ZNF804A: variants seen among roughly 807,000 people sequenced by gnomAD.
The protein encoded by ZNF804A is zinc finger protein 804A.
ZNF804A carries 2 observed loss-of-function variants against 16.5 expected under a neutral mutation model. That is an observed-to-expected ratio of 0.12 (90% CI 0.05 to 0.38). ZNF804A has a LOEUF of 0.38. Among genes scored for constraint, ZNF804A ranks in the 10% least tolerant of loss-of-function variants. ZNF804A has a pLI of 0.99. For missense variants in ZNF804A, 1,473 were observed against 1,390.7 expected (o/e 1.06, Z -0.94); for synonymous variants, 534 against 489.6 (o/e 1.09, Z -1.20).
chr2:184,734,687 G>A (rs781278466), intron 1 of ZNF804A, among the ~76,000 whole-genome samples: 2 of 152,238 alleles, frequency 1.3e-5, no homozygotes, highest in Non-Finnish European at 1.5e-5. Context: ...TTATTTAGTT[G>A]ATTGATGGTA....
chr2:184,734,925 A>G (rs1452237873), intron 1 of ZNF804A, among the ~76,000 whole-genome samples: 1 of 152,130 alleles, frequency 6.6e-6, no homozygotes, highest in Admixed American at 6.6e-5. Flanking sequence ...TGTCTCCCTT[A>G]TCTCCAATAA....
intron 1 of ZNF804A, among the ~76,000 whole-genome samples, chr2:184,710,342 A>G (rs1364910313): frequency 6.6e-6 from 1 of 151,662 alleles, no homozygotes; most frequent in Non-Finnish European, 1.5e-5. Context: ...CCAAGAAACC[A>G]TTCATTTACT....
chr2:184,678,353 C>T (rs1294908246), intron 1 of ZNF804A, among the ~76,000 whole-genome samples: 2 of 151,904 alleles, frequency 1.3e-5, no homozygotes, highest in South Asian at 2.1e-4. Flanking sequence ...TATTCAAAAC[C>T]GAATTAAGTT....
chr2:184,659,054 CAAAT>C (rs1332375317), intron 1 of ZNF804A, among the ~76,000 whole-genome samples: 16 of 152,132 alleles, frequency 1.1e-4, no homozygotes, highest in African/African-American at 3.9e-4. Context: ...TGATGCCAAA[CAAAT>C]AAGAACCAAT....
At chr2:184,657,691 T>C (rs991835453) in intron 1 of ZNF804A, among the ~76,000 whole-genome samples, 1 of 152,252 alleles carries the variant, frequency 6.6e-6, no homozygotes, top group African/African-American at 2.4e-5. Context: ...AGGAAAATTC[T>C]TAATTATGAT....
chr2:184,911,342 T>C (rs942265907), intron 2 of ZNF804A, among the ~76,000 whole-genome samples: 10 of 152,100 alleles, frequency 6.6e-5, no homozygotes, highest in African/African-American at 2.2e-4. Context: ...TTTGTTTTTG[T>C]ACCAGTACCA....
At position 184,937,939 on chromosome 2, in the gene ZNF804A, T is replaced by G. The variant is rs766802402; in HGVS notation, c.2543T>G (p.Leu848Ter). 1.2e-6 allele frequency: 2 copies of G among 1,613,776 alleles called. No individual in the cohort carries two copies. Among genetic ancestry groups the G allele is most frequent in the Admixed American group, 3.3e-5 (2 of 59,912 alleles). The change falls in exon 4 of 4, where the codon TTA becomes TGA. Residue 848 changes from leucine to a stop codon, truncating the protein, a stop_gained. Transcript: ENST00000302277. LOFTEE classifies it low-confidence loss of function (END_TRUNC). The part of the protein sequence containing the change: ...DNSSLNPLDR[L>*]ISEDKKEKMK... ...TCTTCCTTAAATCCTCTGGATAGGT[T>G]AATAAGTGAAGACAAAAAAGAGAAA...
At chr2:184,779,240 G>C (rs531258002) in intron 1 of ZNF804A, among the ~76,000 whole-genome samples, 1 of 151,768 alleles carries the variant, frequency 6.6e-6, no homozygotes, top group African/African-American at 2.4e-5. Context: ...TTGAAGTTGG[G>C]TTGGCCTCTC....
In ZNF804A at chr2:184,598,674, C is replaced by A; in HGVS notation, c.-286C>A. The A allele has an allele frequency of 4.3e-6, 1 of 232,676 alleles. No homozygotes were observed. Among genetic ancestry groups the A allele is most frequent in the Non-Finnish European group, 8.2e-6 (1 of 121,236 alleles). The allele number at this position is 232,676 out of a possible 1,614,324, so 14.4% of individuals were successfully genotyped here. ...GGTTCCGTTTCGCCGGCCCGGCCCC[C>A]TCCTAGGCTGGAATCCTCCCGCGGG... On this transcript the variant is annotated 5_prime_UTR_variant, in exon 1 of 4. Coordinates refer to ENST00000302277, the MANE Select transcript of ZNF804A (RefSeq NM_194250.2).
intron 1 of ZNF804A, among the ~76,000 whole-genome samples, chr2:184,648,572 C>T (rs1209335930): frequency 6.6e-6 from 1 of 151,998 alleles, no homozygotes; most frequent in Non-Finnish European, 1.5e-5. Context: ...AACCCATAGG[C>T]TCACAGTAAA....
At chr2:184,605,222 CA>C (rs1054752316) in intron 1 of ZNF804A, among the ~76,000 whole-genome samples, 3 of 151,332 alleles carry the variant, frequency 2.0e-5, no homozygotes, top group Non-Finnish European at 2.9e-5. Context: ...GTAATCCTAC[CA>C]AAAAAAGATA....
At chr2:184,809,186 G>T (rs933015880) in intron 1 of ZNF804A, among the ~76,000 whole-genome samples, 2 of 151,758 alleles carry the variant, frequency 1.3e-5, no homozygotes, top group Non-Finnish European at 3.0e-5. Context: ...ACAATATAGG[G>T]TATTAATTTG....
At chr2:184,916,666 G>A (rs1054829920) in intron 2 of ZNF804A, among the ~76,000 whole-genome samples, 9 of 152,086 alleles carry the variant, frequency 5.9e-5, no homozygotes, top group African/African-American at 2.2e-4. Flanking sequence ...TGGTCAACAT[G>A]GTGAAACCCC....
rs563284431 is a variant in ZNF804A at position 184,855,255 on chromosome 2, C to A, written c.112-11114C>A. Reference sequence around the variant, plus strand: ...TTGCTGTCATAGTCAAAAGTTGTGTCCTCAGTGTTTTCGGGGAGTGAATAT... The same window carrying A: ...TTGCTGTCATAGTCAAAAGTTGTGTACTCAGTGTTTTCGGGGAGTGAATAT... On this transcript the variant is annotated intron_variant, in intron 1 of 3. Transcript: ENST00000302277. Among the ~76,000 whole-genome samples, 5 of 152,110 alleles carry A rather than the reference C, an allele frequency of 3.3e-5. No homozygotes were observed. In the South Asian group the frequency reaches 1.0e-3, roughly 32 times the overall value.
chr2:184,652,980 T>C (rs1692013513), intron 1 of ZNF804A, among the ~76,000 whole-genome samples: 1 of 151,930 alleles, frequency 6.6e-6, no homozygotes, highest in African/African-American at 2.4e-5. Flanking sequence ...CCTTCAGAAC[T>C]GTGAGTCAAT....
intron 1 of ZNF804A, among the ~76,000 whole-genome samples, chr2:184,759,953 A>G (rs1177270815): frequency 6.6e-6 from 1 of 152,134 alleles, no homozygotes; most frequent in East Asian, 1.9e-4. Context: ...CACCCAGGTG[A>G]AATAAACAGC....
chr2:184,835,752 A>G (rs1695336201), intron 1 of ZNF804A, among the ~76,000 whole-genome samples: 1 of 151,990 alleles, frequency 6.6e-6, no homozygotes, highest in Non-Finnish European at 1.5e-5. Context: ...GGTGGAGAAC[A>G]TTTGGTGGAA....
intron 2 of ZNF804A, among the ~76,000 whole-genome samples, chr2:184,887,509 GT>G (rs1190579024): frequency 2.6e-5 from 4 of 152,142 alleles, no homozygotes; most frequent in Non-Finnish European, 5.9e-5. Flanking sequence ...TTTTCACACT[GT>G]TGATAAAGAT....
intron 1 of ZNF804A, among the ~76,000 whole-genome samples, chr2:184,860,170 G>T (rs1247007164): frequency 1.3e-5 from 2 of 152,218 alleles, no homozygotes; most frequent in African/African-American, 4.8e-5. Context: ...CGGAGTCCAG[G>T]GCATGTGGAC....
Sources: gnomAD v4.1 joint callset for allele counts (sites outside exome capture counted in the v4.1 genomes callset) on GRCh38, gnomAD v4.1.1 for gene constraint, MANE v1.5 for transcripts, NCBI Gene and HGNC (gene_info 2026-07-23, HGNC 2026-07-21) for gene names.